Variants in RBFOX1 observed in about 807,000 individuals in gnomAD.
The protein encoded by RBFOX1 is RNA binding protein fox-1 homolog 1.
RBFOX1 carries 8 observed loss-of-function variants against 57.7 expected under a neutral mutation model. The observed-to-expected ratio is 0.14, with a 90% confidence interval of 0.08 to 0.25. The LOEUF is 0.25. Ranked by LOEUF, RBFOX1 falls within the 10% of genes least tolerant of loss-of-function variation. RBFOX1 has a pLI of 1.00. For synonymous variants in RBFOX1, 326 were observed against 222.4 expected, an observed-to-expected ratio of 1.47 and a Z score of -4.15; for missense variants, 611 against 548.5, an observed-to-expected ratio of 1.11 and a Z score of -1.14.
rs530924156 is a variant in RBFOX1, at chr16:7,488,993, A to G, written c.28-29154A>G. Among the ~76,000 whole-genome samples the G allele has an allele frequency of 3.9e-5, 6 of 152,192 alleles. No individual in the cohort carries two copies. The East Asian group carries it at 1.2e-3, about 30-fold the overall frequency. ...CATTATCTATGCCTCTAATCTCTCTATTGCTCTGTCATTATATCTACCTAC... is the reference window on the plus strand; with the variant it reads ...CATTATCTATGCCTCTAATCTCTCTGTTGCTCTGTCATTATATCTACCTAC... On this transcript the variant is annotated intron_variant, in intron 4 of 15. Coordinates refer to ENST00000550418, the MANE Select transcript of RBFOX1 (RefSeq NM_018723.4).
At chr16:5,449,644 C>T (rs907790991) in intron 1 of RBFOX1, among the ~76,000 whole-genome samples, 2 of 152,098 alleles carry the variant, frequency 1.3e-5, no homozygotes, top group African/African-American at 2.4e-5. Context: ...GGGTTTCTCT[C>T]GGTTGCCCAG....
intron 3 of RBFOX1, among the ~76,000 whole-genome samples, chr16:6,928,053 G>C (rs749294061): frequency 3.4e-4 from 51 of 152,050 alleles, no homozygotes; most frequent in Admixed American, 6.5e-4. Flanking sequence ...TCCCCAACTT[G>C]GGTTGAAGCC....
chr16:6,943,393 G>C (rs969848834), intron 3 of RBFOX1, among the ~76,000 whole-genome samples: 5 of 152,140 alleles, frequency 3.3e-5, no homozygotes, highest in Non-Finnish European at 7.3e-5. Context: ...AGACAGACAA[G>C]ACTGAAAATC....
intron 5 of RBFOX1, among the ~76,000 whole-genome samples, chr16:7,555,345 G>A (rs1238072767): frequency 6.6e-6 from 1 of 152,146 alleles, no homozygotes; most frequent in East Asian, 1.9e-4. Flanking sequence ...AAGTAGAAAG[G>A]CTGTGGAAAT....
At chr16:7,504,311 G>T (rs1287189133) in intron 4 of RBFOX1, among the ~76,000 whole-genome samples, 1 of 151,948 alleles carries the variant, frequency 6.6e-6, no homozygotes, top group African/African-American at 2.4e-5. Flanking sequence ...CCTTCTAATT[G>T]TATTATTGTT....
chr16:5,795,641 C>T (rs1165875019), intron 3 of RBFOX1, among the ~76,000 whole-genome samples: 3 of 152,084 alleles, frequency 2.0e-5, no homozygotes, highest in African/African-American at 4.8e-5. Context: ...CCCTCCTTAC[C>T]CCTGACCACT....
chr16:5,896,968 T>C (rs1418544753), intron 4 of RBFOX1, among the ~76,000 whole-genome samples: 2 of 150,824 alleles, frequency 1.3e-5, no homozygotes, highest in African/African-American at 4.9e-5. Context: ...CCGCTATTTT[T>C]TTAAAATCAT....
intron 4 of RBFOX1, among the ~76,000 whole-genome samples, chr16:7,139,176 C>CTCTCTCTCTCTCTGTG (rs372381673): frequency 0.015 from 2,251 of 145,884 alleles, 49 homozygotes; most frequent in African/African-American, 0.053. Context: ...CAATCTCTCT[C>CTCTCTCTCTCTCTGTG]TGTGTGTGTG....
intron 4 of RBFOX1, among the ~76,000 whole-genome samples, chr16:7,255,502 C>A (rs1465363409): frequency 6.6e-6 from 1 of 152,114 alleles, no homozygotes; most frequent in African/African-American, 2.4e-5. Context: ...ATTGCCATGG[C>A]AAGATGTCCA....
intron 1 of RBFOX1, among the ~76,000 whole-genome samples, chr16:5,431,685 T>A (rs976708582): frequency 3.3e-5 from 5 of 152,138 alleles, no homozygotes; most frequent in African/African-American, 7.2e-5. Context: ...TGGTTTATTT[T>A]TTATTATTAT....
chr16:7,333,575 C>G lies in RBFOX1; in HGVS notation c.28-184572C>G, dbSNP rs914822269. On this transcript the variant is annotated intron_variant, in intron 4 of 15. Transcript: ENST00000550418. Reference sequence around the variant, plus strand: ...CTCCCCACCTGAATTTGAGTGGTGGCACTGAGGCAAGAAGGAACACTCTAT... The same window carrying G: ...CTCCCCACCTGAATTTGAGTGGTGGGACTGAGGCAAGAAGGAACACTCTAT... Among the ~76,000 whole-genome samples, 4 of 152,264 alleles carry G rather than the reference C, an allele frequency of 2.6e-5. No individual in the cohort carries two copies. The South Asian group carries it at 6.2e-4, about 24-fold the overall frequency.
At chr16:6,974,905 G>A (rs1039594053) in intron 3 of RBFOX1, among the ~76,000 whole-genome samples, 2 of 152,070 alleles carry the variant, frequency 1.3e-5, no homozygotes, top group African/African-American at 4.8e-5. Context: ...GAGAAATCCA[G>A]CATGTCCTGG....
rs896020934 is a variant in RBFOX1 at position 6,676,209 on chromosome 16, G to A, written c.-16+21559G>A. ...CCCTAGGTCAACTAGGATCAGATAG[G>A]TAGGCTGGAGAATAGTAGAGGTGAG... On this transcript the variant is annotated intron_variant, in intron 3 of 15. Transcript: ENST00000550418. Among the ~76,000 whole-genome samples, 6 of 151,508 alleles carry A rather than the reference G, an allele frequency of 4.0e-5. 1 individual carries two copies. The South Asian group carries it at 1.3e-3, about 32-fold the overall frequency.
At chr16:6,859,155 A>ATATATATTTG (rs1555536846) in intron 3 of RBFOX1, among the ~76,000 whole-genome samples, 75 of 60,212 alleles carry the variant, frequency 1.2e-3, no homozygotes, top group Non-Finnish European at 1.8e-3. Flanking sequence ...ATATATATGT[A>ATATATATTTG]TATATATACG....
At chr16:6,898,668 C>T (rs542989871) in intron 3 of RBFOX1, among the ~76,000 whole-genome samples, 4 of 151,956 alleles carry the variant, frequency 2.6e-5, no homozygotes, top group Non-Finnish European at 5.9e-5. Context: ...CTCTGAGTTT[C>T]TGTGTGTGTA....
intron 3 of RBFOX1, among the ~76,000 whole-genome samples, chr16:6,962,387 A>C (rs1460245027): frequency 6.6e-6 from 1 of 152,180 alleles, no homozygotes; most frequent in Non-Finnish European, 1.5e-5. Flanking sequence ...ACTTCGACTT[A>C]TCTTTTTAGG....
rs1168025530 is a variant in RBFOX1 at position 6,678,691 on chromosome 16, AT to A, written c.-16+24042del. On this transcript the variant is annotated intron_variant, in intron 3 of 15. Coordinates refer to ENST00000550418, the MANE Select transcript of RBFOX1 (RefSeq NM_018723.4). ...AAGATACACAGAACAAATGTAGGGAATCCTTTAAGCTCTGTGTATCTCAGAG... is the reference window on the plus strand; with the variant it reads ...AAGATACACAGAACAAATGTAGGGAACCTTTAAGCTCTGTGTATCTCAGAG... Among the ~76,000 whole-genome samples, 5 of 152,046 alleles carry A rather than the reference AT, an allele frequency of 3.3e-5. No homozygotes were observed. The East Asian group carries it at 9.7e-4, about 29-fold the overall frequency.
At chr16:6,101,278 G>A (rs1039427762) in intron 1 of RBFOX1, among the ~76,000 whole-genome samples, 2 of 152,088 alleles carry the variant, frequency 1.3e-5, no homozygotes, top group Non-Finnish European at 2.9e-5. Context: ...AGGCCTCTGG[G>A]TCTCCATCCT....
intron 3 of RBFOX1, chr16:6,775,732 G>A (rs1370415274): frequency 6.6e-6 from 1 of 152,162 alleles, no homozygotes; most frequent in Non-Finnish European, 1.5e-5. Flanking sequence ...GGCTTTCAAA[G>A]GTGTGAACCA....
Sources: gnomAD v4.1 joint callset for allele counts (sites outside exome capture counted in the v4.1 genomes callset) on GRCh38, gnomAD v4.1.1 for gene constraint, MANE v1.5 for transcripts, NCBI Gene and HGNC (gene_info 2026-07-23, HGNC 2026-07-21) for gene names.